CELF2: variants seen among roughly 807,000 people sequenced by gnomAD.
CELF2 encodes CUGBP Elav-like family member 2.
In CELF2, 8 loss-of-function variants were observed where a neutral mutation model predicts 62.6. The ratio of observed to expected loss-of-function variants is 0.13; its 90% CI spans 0.07 to 0.23. The LOEUF (loss-of-function observed/expected upper bound fraction) is 0.23, where lower values mean the gene tolerates loss of function less well. Ranked by LOEUF, CELF2 falls within the 10% of genes least tolerant of loss-of-function variation. The probability of loss-of-function intolerance (pLI) is 1.00; values close to 1 mark genes in which losing one functional copy is unlikely to be tolerated. For synonymous variants in CELF2, 258 were observed against 250.0 expected (o/e 1.03, Z -0.30); for missense variants, 333 against 671.0 (o/e 0.50, Z 5.56).
chr10:10,488,246 G>A, the CELF2 span, among the ~76,000 whole-genome samples: 2 of 152,088 alleles, frequency 1.3e-5, no homozygotes, highest in Non-Finnish European at 2.9e-5. Flanking sequence ...AATCAATATA[G>A]CGATGAAAAC....
chr10:10,571,284 A>C, the CELF2 span, among the ~76,000 whole-genome samples: 3 of 152,216 alleles, frequency 2.0e-5, no homozygotes, highest in Non-Finnish European at 4.4e-5. Flanking sequence ...CTATTAGTAA[A>C]GAACGTACTT....
chr10:10,637,108 C>A, the CELF2 span, among the ~76,000 whole-genome samples: 1 of 152,072 alleles, frequency 6.6e-6, no homozygotes, highest in Admixed American at 6.6e-5. Context: ...GCATTAGTGA[C>A]CAGTCTTCCA....
intron 1 of CELF2, among the ~76,000 whole-genome samples, chr10:11,063,370 C>T (rs541413718): frequency 2.2e-4 from 34 of 152,286 alleles, no homozygotes; most frequent in African/African-American, 7.7e-4. Flanking sequence ...GCGACTACTA[C>T]CAAACATTCA....
At chr10:11,035,456 C>CTCAGATGCT (rs1166697861) in intron 1 of CELF2, among the ~76,000 whole-genome samples, 3 of 152,150 alleles carry the variant, frequency 2.0e-5, no homozygotes, top group Admixed American at 2.0e-4. Flanking sequence ...GGATAGGCAG[C>CTCAGATGCT]TCAGATGCTT....
At chr10:10,730,782 C>G in the CELF2 span, among the ~76,000 whole-genome samples, 6 of 152,166 alleles carry the variant, frequency 3.9e-5, no homozygotes, top group African/African-American at 1.4e-4. Context: ...GCACCCAGGT[C>G]ACTTCCAGGC....
At chr10:11,097,936 C>T (rs1281995131) in intron 1 of CELF2, 3 of 152,302 alleles carry the variant, frequency 2.0e-5, no homozygotes, top group Non-Finnish European at 2.9e-5. Flanking sequence ...CCACATGACA[C>T]CTCATGCATG....
chr10:10,902,639 C>T (rs771472688), intron 1 of CELF2, among the ~76,000 whole-genome samples: 10 of 152,174 alleles, frequency 6.6e-5, no homozygotes, highest in Non-Finnish European at 1.3e-4. Context: ...AGAAGGAAAC[C>T]TTTGGAGTTG....
chr10:10,811,425 C>T (rs566208940), intron 1 of CELF2, among the ~76,000 whole-genome samples: 1 of 152,094 alleles, frequency 6.6e-6, no homozygotes, highest in Non-Finnish European at 1.5e-5. Context: ...GATTAGGCAA[C>T]TGGGTGTGTA....
the CELF2 span, among the ~76,000 whole-genome samples, chr10:10,599,369 G>A: frequency 1.3e-5 from 2 of 152,068 alleles, no homozygotes; most frequent in Non-Finnish European, 2.9e-5. Flanking sequence ...CTAAATGAGG[G>A]GATGCATTAA....
chr10:10,624,588 A>C, the CELF2 span, among the ~76,000 whole-genome samples: 1 of 152,232 alleles, frequency 6.6e-6, no homozygotes, highest in Non-Finnish European at 1.5e-5. Flanking sequence ...CATTACAGGC[A>C]TGAGCCACCA....
the CELF2 span, among the ~76,000 whole-genome samples, chr10:10,562,829 C>CTACCTCCCTGCCCTCCACA: frequency 8.6e-5 from 13 of 151,790 alleles, no homozygotes; most frequent in African/African-American, 2.4e-4. Context: ...CCTCCACAGC[C>CTACCTCCCTGCCCTCCACA]GTATGCTCCG....
the CELF2 span, among the ~76,000 whole-genome samples, chr10:10,674,559 T>A: frequency 6.6e-6 from 1 of 152,202 alleles, no homozygotes; most frequent in South Asian, 2.1e-4. Flanking sequence ...CCATATTTGT[T>A]ACTATTTCCT....
chr10:10,848,521 G>C (rs1422994969), intron 1 of CELF2, among the ~76,000 whole-genome samples: 3 of 152,202 alleles, frequency 2.0e-5, no homozygotes, highest in Non-Finnish European at 4.4e-5. Context: ...AATTAAGACA[G>C]AAATCTTTAA....
the CELF2 span, among the ~76,000 whole-genome samples, chr10:10,647,040 T>C: frequency 6.6e-6 from 1 of 152,188 alleles, no homozygotes; most frequent in Non-Finnish European, 1.5e-5. Context: ...TCTGTGACAT[T>C]ATAAATAGGG....
intron 1 of CELF2, among the ~76,000 whole-genome samples, chr10:10,916,430 T>A (rs1048823880): frequency 1.3e-5 from 2 of 152,246 alleles, no homozygotes; most frequent in Non-Finnish European, 2.9e-5. Flanking sequence ...CATGAGCGTG[T>A]AAAGCATAGT....
the CELF2 span, among the ~76,000 whole-genome samples, chr10:10,700,928 C>A: frequency 6.6e-6 from 1 of 152,136 alleles, no homozygotes; most frequent in African/African-American, 2.4e-5. Context: ...TGGAGGTGAC[C>A]TCTGACTCTC....
At chr10:10,724,470 A>G in the CELF2 span, among the ~76,000 whole-genome samples, 2 of 152,090 alleles carry the variant, frequency 1.3e-5, no homozygotes, top group African/African-American at 2.4e-5. Context: ...CCTGGCCAAC[A>G]TGATGAAACC....
At chr10:11,022,961 A>G (rs1382111749) in intron 1 of CELF2, among the ~76,000 whole-genome samples, 1 of 152,250 alleles carries the variant, frequency 6.6e-6, no homozygotes, top group East Asian at 1.9e-4. Context: ...TATATTTTCA[A>G]CATGAGTCAA....
chr10:11,127,934 T>A (rs1207409438), intron 1 of CELF2, among the ~76,000 whole-genome samples: 8 of 152,200 alleles, frequency 5.3e-5, no homozygotes, highest in African/African-American at 1.7e-4. Context: ...GCTTTTGGTG[T>A]TTTAGACATG....
Sources: gnomAD v4.1 joint callset for allele counts (sites outside exome capture counted in the v4.1 genomes callset) on GRCh38, gnomAD v4.1.1 for gene constraint, MANE v1.5 for transcripts, NCBI Gene and HGNC (gene_info 2026-07-23, HGNC 2026-07-21) for gene names.